The following PALM2AKAP2 variants were observed in gnomAD, a reference collection of about 807,000 sequenced individuals.
PALM2AKAP2 encodes the protein PALM2 and AKAP2 fusion.
PALM2AKAP2 carries 37 observed loss-of-function variants against 71.5 expected under a neutral mutation model. That is an observed-to-expected ratio of 0.52 (90% CI 0.40 to 0.68). The LOEUF is 0.68. Among genes scored for constraint, PALM2AKAP2 ranks in the 30% least tolerant of loss-of-function variants. The pLI is 0.00. For synonymous variants in PALM2AKAP2, 468 were observed against 478.8 expected, an observed-to-expected ratio of 0.98 and a Z score of 0.29; for missense variants, 1,224 against 1,191.8, an observed-to-expected ratio of 1.03 and a Z score of -0.40.
intron 1 of PALM2AKAP2, among the ~76,000 whole-genome samples, chr9:109,809,634 G>A: frequency 2.0e-5 from 3 of 152,298 alleles, no homozygotes; most frequent in Middle Eastern, 6.8e-3. Context: ...TAAGACTTTG[G>A]GGGACTATTG....
chr9:109,662,716 T>C (rs1827418017), intron 1 of PALM2AKAP2, among the ~76,000 whole-genome samples: 1 of 152,188 alleles, frequency 6.6e-6, no homozygotes, highest in Non-Finnish European at 1.5e-5. Context: ...TCTTTTTCTA[T>C]TGATTGGAAT....
chr9:109,709,323 C>T (rs1828190760), intron 1 of PALM2AKAP2, among the ~76,000 whole-genome samples: 2 of 152,216 alleles, frequency 1.3e-5, no homozygotes, highest in South Asian at 4.1e-4. Flanking sequence ...CATCTTCTTT[C>T]TGTATGCTTC....
At chr9:110,124,582 C>T (rs915156561) in intron 1 of PALM2AKAP2, among the ~76,000 whole-genome samples, 1 of 152,138 alleles carries the variant, frequency 6.6e-6, no homozygotes, top group Non-Finnish European at 1.5e-5. Flanking sequence ...AGGCAGGGGG[C>T]ACTGATAAAC....
chr9:109,696,158 A>G (rs1303324887), intron 1 of PALM2AKAP2, among the ~76,000 whole-genome samples: 3 of 152,144 alleles, frequency 2.0e-5, no homozygotes, highest in African/African-American at 7.2e-5. Flanking sequence ...ACATATACAT[A>G]GAAAAGTCAC....
At chr9:109,878,658 C>T (rs1180853892) in intron 2 of PALM2AKAP2, among the ~76,000 whole-genome samples, 2 of 145,786 alleles carry the variant, frequency 1.4e-5, no homozygotes, top group Admixed American at 7.1e-5. Flanking sequence ...AGGGTGTCTA[C>T]AGCACCAGAT....
At chr9:109,798,932 C>CA (rs1827340057) in intron 1 of PALM2AKAP2, among the ~76,000 whole-genome samples, 1 of 152,176 alleles carries the variant, frequency 6.6e-6, no homozygotes, top group Admixed American at 6.5e-5. Context: ...GCTGTCTTTC[C>CA]ACTGCTCCAA....
At chr9:109,732,537 G>A (rs773306458) in intron 1 of PALM2AKAP2, among the ~76,000 whole-genome samples, 2 of 152,168 alleles carry the variant, frequency 1.3e-5, no homozygotes, top group Non-Finnish European at 2.9e-5. Flanking sequence ...CGCAAGGTTA[G>A]ACTAGTTAGG....
chr9:110,165,131 A>G (rs962552183), intron 3 of PALM2AKAP2, among the ~76,000 whole-genome samples: 2 of 152,214 alleles, frequency 1.3e-5, no homozygotes, highest in African/African-American at 4.8e-5. Flanking sequence ...TGAGGATTCA[A>G]ACAGTAACAT....
At chr9:110,107,433 T>G (rs1835144504) in intron 1 of PALM2AKAP2, among the ~76,000 whole-genome samples, 1 of 152,224 alleles carries the variant, frequency 6.6e-6, no homozygotes, top group African/African-American at 2.4e-5. Flanking sequence ...AATAGGATCT[T>G]AGATCAATTG....
intron 1 of PALM2AKAP2, among the ~76,000 whole-genome samples, chr9:109,662,818 G>A (rs562761232): frequency 5.2e-4 from 79 of 152,128 alleles, no homozygotes; most frequent in Non-Finnish European, 2.9e-5. Context: ...TTGGTTGGTA[G>A]GCTATTAATT....
At chr9:109,713,310 G>T (rs1000907308) in intron 1 of PALM2AKAP2, among the ~76,000 whole-genome samples, 1 of 152,154 alleles carries the variant, frequency 6.6e-6, no homozygotes. Context: ...GAATGGAACT[G>T]AAAGTGGGGG....
intron 1 of PALM2AKAP2, among the ~76,000 whole-genome samples, chr9:109,853,989 G>T (rs1396710921): frequency 2.0e-5 from 3 of 152,222 alleles, no homozygotes; most frequent in Non-Finnish European, 4.4e-5. Context: ...TAGGACTAGA[G>T]CAGGGCTCAG....
At chr9:110,135,942 A>G (rs190698492) in intron 1 of PALM2AKAP2, among the ~76,000 whole-genome samples, 185 bp from the exon 8 acceptor site, 84 of 152,316 alleles carry the variant, frequency 5.5e-4, no homozygotes, top group African/African-American at 1.9e-3. Context: ...TAAATTAGAG[A>G]GGATTGGGCA....
intron 1 of PALM2AKAP2, among the ~76,000 whole-genome samples, chr9:109,866,510 G>A (rs1281834194): frequency 6.6e-6 from 1 of 152,156 alleles, no homozygotes; most frequent in Non-Finnish European, 1.5e-5. Flanking sequence ...CATTGGAGAA[G>A]TATAGAGAAG....
intron 1 of PALM2AKAP2, among the ~76,000 whole-genome samples, chr9:110,067,617 C>T (rs1441379146): frequency 3.9e-5 from 6 of 152,230 alleles, no homozygotes; most frequent in African/African-American, 1.4e-4. Context: ...GGAATTTCCT[C>T]CTCCACCCTG....
At chr9:109,686,042 G>A (rs1200599011) in intron 1 of PALM2AKAP2, among the ~76,000 whole-genome samples, 1 of 152,104 alleles carries the variant, frequency 6.6e-6, no homozygotes, top group Admixed American at 6.6e-5. Context: ...GCAACTCTCT[G>A]TCCATTCAAG....
intron 5 of PALM2AKAP2, 119 bp from the exon 6 acceptor site, chr9:109,931,808 C>A: frequency 9.1e-7 from 1 of 1,102,470 alleles, no homozygotes; most frequent in Non-Finnish European, 1.3e-6. Flanking sequence ...CCTGATCCTC[C>A]TGTTCAGTGG....
At chr9:110,141,178 AAAC>A (rs1470511672) in intron 2 of PALM2AKAP2, among the ~76,000 whole-genome samples, 2 of 152,160 alleles carry the variant, frequency 1.3e-5, no homozygotes, top group Non-Finnish European at 2.9e-5. Context: ...AGGTTGCCTT[AAAC>A]AAGTCAGCAT....
intron 1 of PALM2AKAP2, among the ~76,000 whole-genome samples, chr9:110,127,108 T>C (rs1835624498): frequency 6.6e-6 from 1 of 152,152 alleles, no homozygotes; most frequent in Non-Finnish European, 1.5e-5. Flanking sequence ...ACCAATACCG[T>C]AGAAGCTCTC....
Sources: gnomAD v4.1 joint callset for allele counts (sites outside exome capture counted in the v4.1 genomes callset) on GRCh38, gnomAD v4.1.1 for gene constraint, MANE v1.5 for transcripts, NCBI Gene and HGNC (gene_info 2026-07-23, HGNC 2026-07-21) for gene names.